DIAPH3: variants seen among roughly 807,000 people sequenced by gnomAD.
DIAPH3 encodes the protein protein diaphanous homolog 3.
Under a neutral mutation model 144.3 loss-of-function variants are expected in DIAPH3, and 117 were observed. The ratio of observed to expected loss-of-function variants is 0.81; its 90% CI spans 0.70 to 0.95. The LOEUF (loss-of-function observed/expected upper bound fraction) is 0.95. DIAPH3 is among the 40% of genes least tolerant of loss of function. The probability of loss-of-function intolerance (pLI) is 0.00; values close to 1 mark genes in which losing one functional copy is unlikely to be tolerated. For synonymous variants in DIAPH3, 519 were observed against 488.9 expected (o/e 1.06, Z -0.81); for missense variants, 1,421 against 1,412.7 (o/e 1.01, Z -0.09).
intron 21 of DIAPH3, among the ~76,000 whole-genome samples, chr13:59,878,638 AC>A (rs1566455217): frequency 6.6e-6 from 1 of 152,244 alleles, no homozygotes; most frequent in Non-Finnish European, 1.5e-5. Flanking sequence ...AGGAAATTCA[AC>A]CTATGAAAGA....
chr13:59,925,430 G>A (rs988731833), intron 17 of DIAPH3, among the ~76,000 whole-genome samples: 4 of 151,950 alleles, frequency 2.6e-5, no homozygotes, highest in African/African-American at 7.3e-5. Context: ...TATTATCTTC[G>A]TGATGTACTA....
intron 27 of DIAPH3, among the ~76,000 whole-genome samples, chr13:59,765,359 C>T (rs1455915862): frequency 2.0e-5 from 3 of 152,090 alleles, no homozygotes; most frequent in African/African-American, 7.2e-5. Context: ...AAAGTGCCAG[C>T]GTATTTTGAA....
intron 5 of DIAPH3, among the ~76,000 whole-genome samples, chr13:60,032,047 T>C (rs1317003349): frequency 6.6e-6 from 1 of 152,064 alleles, no homozygotes; most frequent in African/African-American, 2.4e-5. Flanking sequence ...ATGTTAAAGC[T>C]CCAAAATAAT....
At chr13:60,089,763 G>T (rs1487835568) in intron 4 of DIAPH3, among the ~76,000 whole-genome samples, 1 of 152,130 alleles carries the variant, frequency 6.6e-6, no homozygotes, top group African/African-American at 2.4e-5. Flanking sequence ...CATAGAATGG[G>T]CACAGCGCCT....
intron 27 of DIAPH3, among the ~76,000 whole-genome samples, chr13:59,706,146 C>T (rs1462467371): frequency 1.3e-5 from 2 of 151,948 alleles, no homozygotes; most frequent in African/African-American, 2.4e-5. Flanking sequence ...CTTCTAACAC[C>T]TAATACAATG....
At chr13:59,974,664 G>C (rs2050570941) in intron 14 of DIAPH3, among the ~76,000 whole-genome samples, 1 of 151,650 alleles carries the variant, frequency 6.6e-6, no homozygotes, top group African/African-American at 2.4e-5. Context: ...ATTCACAAGG[G>C]GGCAGAAAAA....
At chr13:59,764,499 T>G (rs1452731602) in intron 27 of DIAPH3, among the ~76,000 whole-genome samples, 6 of 150,864 alleles carry the variant, frequency 4.0e-5, no homozygotes, top group Admixed American at 3.3e-4. Context: ...AAAAAAGATA[T>G]GTTAAAGCCC....
In DIAPH3 at chr13:59,916,179, T is replaced by G; in HGVS notation, c.2241A>C (p.Thr747=). ...IRMMILEVDE[T]RLAESMIQNL... ...CCTGAATCATAGACTCTGCCAACCG[T>G]GTTTCATCTACTTCCAATATCATCA... The change falls in exon 19 of 28, where the codon ACA becomes ACC. Residue 747 remains threonine (T), a synonymous_variant. Coordinates refer to ENST00000400324, the MANE Select transcript of DIAPH3 (RefSeq NM_001042517.2). 2.5e-6 allele frequency: 4 copies of G among 1,613,156 alleles called. No individual in the cohort carries two copies. The highest frequency in any genetic ancestry group is 3.4e-6 in the Non-Finnish European group (4 of 1,179,370).
At chr13:59,857,544 A>G (rs1318855495) in intron 22 of DIAPH3, among the ~76,000 whole-genome samples, 1 of 152,186 alleles carries the variant, frequency 6.6e-6, no homozygotes, top group African/African-American at 2.4e-5. Flanking sequence ...AAAATTAAAA[A>G]TGAGTTAACA....
chr13:59,930,048 G>C (rs994205383), intron 17 of DIAPH3, among the ~76,000 whole-genome samples: 6 of 152,154 alleles, frequency 3.9e-5, no homozygotes, highest in African/African-American at 1.4e-4. Context: ...ATTCAACTTA[G>C]CACAGTGTTC....
intron 9 of DIAPH3, among the ~76,000 whole-genome samples, chr13:60,004,055 T>C (rs2052703441): frequency 2.0e-5 from 3 of 151,940 alleles, no homozygotes; most frequent in Non-Finnish European, 2.9e-5. Context: ...TATTCTCCTT[T>C]AAAAAAAATA....
chr13:59,864,897 C>A (rs1174532725), intron 21 of DIAPH3, among the ~76,000 whole-genome samples: 1 of 151,872 alleles, frequency 6.6e-6, no homozygotes, highest in African/African-American at 2.4e-5. Context: ...CCTATCATTT[C>A]AAAATGGGTA....
At chr13:59,956,324 C>A (rs755485036) in intron 17 of DIAPH3, among the ~76,000 whole-genome samples, 21 of 152,176 alleles carry the variant, frequency 1.4e-4, no homozygotes, top group Non-Finnish European at 1.5e-5. Flanking sequence ...CGGGCCAGGG[C>A]CTTGCTGCTT....
chr13:60,014,799 A>G (rs1210992780), intron 7 of DIAPH3, among the ~76,000 whole-genome samples: 1 of 152,130 alleles, frequency 6.6e-6, no homozygotes, highest in Non-Finnish European at 1.5e-5. Context: ...ACCTATCATC[A>G]CTTCACACAT....
intron 27 of DIAPH3, among the ~76,000 whole-genome samples, chr13:59,677,357 T>C (rs78551262): frequency 0.052 from 7,834 of 151,862 alleles, 458 homozygotes; most frequent in African/African-American, 0.13. Context: ...AGAAATTTAA[T>C]GAGAATCACA....
chr13:60,005,675 G>C (rs2052817182), intron 9 of DIAPH3, among the ~76,000 whole-genome samples: 1 of 151,956 alleles, frequency 6.6e-6, no homozygotes, highest in South Asian at 2.1e-4. Context: ...TAGAGACGGG[G>C]TTTCACCATG....
At chr13:59,812,692 T>C (rs944676288) in intron 24 of DIAPH3, among the ~76,000 whole-genome samples, 1 of 151,944 alleles carries the variant, frequency 6.6e-6, no homozygotes, top group Admixed American at 6.6e-5. Flanking sequence ...AAGGTTGCTG[T>C]TGGGTTTAGG....
intron 3 of DIAPH3, among the ~76,000 whole-genome samples, chr13:60,111,310 A>C (rs1253024190): frequency 6.6e-6 from 1 of 152,246 alleles, no homozygotes; most frequent in African/African-American, 2.4e-5. Context: ...TGTTGCAAAA[A>C]GAACCTGTTT....
At chr13:60,013,561 G>A (rs1295870798) in intron 7 of DIAPH3, among the ~76,000 whole-genome samples, 6 of 151,884 alleles carry the variant, frequency 4.0e-5, no homozygotes, top group African/African-American at 4.8e-5. Context: ...TTTCCCCTAC[G>A]CAATTAAAAT....
Sources: allele counts gnomAD v4.1 joint callset (sites outside exome capture counted in the v4.1 genomes callset), GRCh38; gene constraint gnomAD v4.1.1; transcripts MANE v1.5; gene names NCBI Gene and HGNC (gene_info 2026-07-23, HGNC 2026-07-21).